Variants in KPNA6 observed in about 807,000 individuals in gnomAD.
KPNA6 encodes importin subunit alpha-7.
In KPNA6, 9 loss-of-function variants were observed where a neutral mutation model predicts 72.0. That is an observed-to-expected ratio of 0.13 (90% confidence interval 0.08 to 0.22). The LOEUF (loss-of-function observed/expected upper bound fraction) is 0.22. Among genes scored for constraint, KPNA6 ranks in the 10% least tolerant of loss-of-function variants. KPNA6 has a pLI of 1.00. For missense variants in KPNA6, 374 were observed against 655.7 expected (o/e 0.57, Z 4.69); for synonymous variants, 219 against 242.1 (o/e 0.90, Z 0.89).
chr1:32,132,852 A>G (rs997513014), intron 1 of KPNA6, among the ~76,000 whole-genome samples: 66 of 152,136 alleles, frequency 4.3e-4, no homozygotes, highest in Admixed American at 2.4e-3. Context: ...GCAGTGAGCC[A>G]AGATGGCGCC....
intron 5 of KPNA6, among the ~76,000 whole-genome samples, chr1:32,158,946 C>T (rs1478184403): frequency 2.0e-5 from 3 of 152,174 alleles, no homozygotes; most frequent in Non-Finnish European, 4.4e-5. Flanking sequence ...TGTTTAGCCT[C>T]TCTGGGTCTC....
intron 1 of KPNA6, among the ~76,000 whole-genome samples, chr1:32,148,852 C>T (rs1039673960): frequency 7.2e-5 from 11 of 151,762 alleles, no homozygotes; most frequent in Non-Finnish European, 1.5e-4. Context: ...CCACTGCGCC[C>T]GGCCCCCCTA....
intron 1 of KPNA6, among the ~76,000 whole-genome samples, chr1:32,123,869 A>G (rs1259396683): frequency 9.9e-5 from 15 of 151,466 alleles, no homozygotes; most frequent in Non-Finnish European, 2.1e-4. Flanking sequence ...CCCCATCTCT[A>G]CTAAAAATAC....
At chr1:32,165,307 C>A (rs561885494) in intron 10 of KPNA6, among the ~76,000 whole-genome samples, 2 of 152,308 alleles carry the variant, frequency 1.3e-5, no homozygotes, top group Admixed American at 1.3e-4. Context: ...GCCTCAGCCT[C>A]CTGAGTAGCT....
rs1334329959 is a variant in KPNA6 at position 32,173,783 on chromosome 1, A to AC, written c.*2893dup. 1 of 151,876 alleles carries AC rather than the reference A, an allele frequency of 6.6e-6. No homozygotes were observed. The highest frequency in any genetic ancestry group is 1.9e-4 in the East Asian group (1 of 5,190). 9.4% of individuals were successfully genotyped at this position (151,876 alleles called of 1,614,324 possible). On this transcript the variant is annotated 3_prime_UTR_variant, in exon 14 of 14. Transcript: ENST00000373625. ...GTTATTGCCAGGATGGAGCCCCTCT[A>AC]CCCCAGTCTGCTGTAGGGAATACCC...
intron 1 of KPNA6, among the ~76,000 whole-genome samples, chr1:32,109,946 T>C (rs984982973): frequency 6.6e-6 from 1 of 151,788 alleles, no homozygotes; most frequent in Admixed American, 6.6e-5. Flanking sequence ...TGAGCCACCA[T>C]GCCCGGCCAC....
intron 7 of KPNA6, 81 bp downstream of exon 7, chr1:32,160,784 C>G: frequency 1.1e-6 from 1 of 944,222 alleles, no homozygotes; most frequent in South Asian, 1.3e-5. Context: ...ATACTTGATT[C>G]CTTAAGATGA....
chr1:32,146,770 A>G (rs1383670678), intron 1 of KPNA6, among the ~76,000 whole-genome samples: 1 of 152,218 alleles, frequency 6.6e-6, no homozygotes, highest in Non-Finnish European at 1.5e-5. Context: ...CTGCCCATAT[A>G]GTTACCTTTA....
In KPNA6 at chr1:32,162,062, A is replaced by T; in HGVS notation, c.747+16A>T. On this transcript the variant is annotated intron_variant, in intron 8 of 13. Coordinates refer to ENST00000373625, the MANE Select transcript of KPNA6 (RefSeq NM_012316.5). ...GTTTGCAAAGGTGAGAGAGCTACTTACTAGACCCTGAGTGACATCAGGTTC... is the reference window on the plus strand; with the variant it reads ...GTTTGCAAAGGTGAGAGAGCTACTTTCTAGACCCTGAGTGACATCAGGTTC... 3.1e-6 allele frequency: 5 copies of T among 1,594,946 alleles called. No homozygotes were observed. The highest frequency in any genetic ancestry group is 4.3e-6 in the Non-Finnish European group (5 of 1,163,136).
At chr1:32,151,487 A>G (rs1467082384) in intron 1 of KPNA6, among the ~76,000 whole-genome samples, 2 of 151,838 alleles carry the variant, frequency 1.3e-5, no homozygotes, top group Non-Finnish European at 2.9e-5. Context: ...CCCCAAACAG[A>G]TTTCCCAATT....
intron 1 of KPNA6, among the ~76,000 whole-genome samples, chr1:32,151,300 C>G (rs1432286217): frequency 6.6e-6 from 1 of 152,130 alleles, no homozygotes; most frequent in African/African-American, 2.4e-5. Context: ...AGGGTCTCTA[C>G]TATGCCCTAA....
In KPNA6 at chr1:32,174,601, G is replaced by C. The variant is rs1445296545; in HGVS notation, c.*3707G>C. 6.6e-6 allele frequency: 1 copy of C among 152,160 alleles called. No individual in the cohort carries two copies. The highest frequency in any genetic ancestry group is 2.4e-5 in the African/African-American group (1 of 41,402). 9.4% of individuals were successfully genotyped at this position (152,160 alleles called of 1,614,324 possible). On this transcript the variant is annotated 3_prime_UTR_variant, in exon 14 of 14. Coordinates refer to ENST00000373625, the MANE Select transcript of KPNA6 (RefSeq NM_012316.5). The stretch of plus-strand genomic sequence containing the variant: ...CTTCTCCCCTAGACTCACTCAGCTT[G>C]GTATCCATCATCTTGAGCATTCTTC...
At chr1:32,131,597 TAA>T (rs940112593) in intron 1 of KPNA6, among the ~76,000 whole-genome samples, 33 of 150,754 alleles carry the variant, frequency 2.2e-4, no homozygotes, top group African/African-American at 3.7e-4. Flanking sequence ...ATTTAAATCT[TAA>T]GTCTATACAC....
rs573784602 is a variant in KPNA6, at chr1:32,157,095, A to G, written c.231+150A>G. On this transcript the variant is annotated intron_variant, in intron 3 of 13. Coordinates refer to ENST00000373625, the MANE Select transcript of KPNA6 (RefSeq NM_012316.5). ...CCTTTCGTCAGCTTTAGGAGTCAAC[A>G]AAGATTCAACTTTGTTAGATATATC... is the stretch of plus-strand genomic sequence containing the variant. The G allele has an allele frequency of 2.9e-3, 1,818 of 637,218 alleles. 66 individuals are homozygous for G. In the South Asian group the frequency reaches 0.034, roughly 12 times the overall value. The allele number at this position is 637,218 out of a possible 1,614,324, so 39.5% of individuals were successfully genotyped here.
At chr1:32,120,860 C>T (rs993640396) in intron 1 of KPNA6, among the ~76,000 whole-genome samples, 4 of 143,054 alleles carry the variant, frequency 2.8e-5, no homozygotes, top group Admixed American at 7.2e-5. Context: ...CACACCCAGA[C>T]GGAGTTCCTT....
At chr1:32,110,895 CAA>C (rs1341870391) in intron 1 of KPNA6, among the ~76,000 whole-genome samples, 7 of 152,132 alleles carry the variant, frequency 4.6e-5, no homozygotes, top group Non-Finnish European at 8.8e-5. Flanking sequence ...CAAAAACAAA[CAA>C]ATAAACAAAC....
At chr1:32,134,888 T>G (rs1641705988) in intron 1 of KPNA6, among the ~76,000 whole-genome samples, 1 of 151,488 alleles carries the variant, frequency 6.6e-6, no homozygotes, top group Non-Finnish European at 1.5e-5. Flanking sequence ...TTTTTTAATT[T>G]TATTTATTTT....
intron 1 of KPNA6, among the ~76,000 whole-genome samples, chr1:32,123,896 T>C (rs2124528673): frequency 6.6e-6 from 1 of 151,640 alleles, no homozygotes; most frequent in South Asian, 2.1e-4. Flanking sequence ...TAGCTGGGCG[T>C]GGTGGTGTGC....
rs1458886830 is a variant in KPNA6, at chr1:32,172,602, T to C, written c.*1708T>C. 3 of 152,562 alleles carry C rather than the reference T, an allele frequency of 2.0e-5. No individual in the cohort carries two copies. The highest frequency in any genetic ancestry group is 7.2e-5 in the African/African-American group (3 of 41,406). 9.5% of individuals were successfully genotyped at this position (152,562 alleles called of 1,614,324 possible). On this transcript the variant is annotated 3_prime_UTR_variant, in exon 14 of 14. Transcript: ENST00000373625. ...GTGACAATTATAATCCAGATGCCTC[T>C]TCTTTCTGTTTGAATTACGGTAGTG...
Sources: gnomAD v4.1 joint callset for allele counts (sites outside exome capture counted in the v4.1 genomes callset) on GRCh38, gnomAD v4.1.1 for gene constraint, MANE v1.5 for transcripts, NCBI Gene and HGNC (gene_info 2026-07-23, HGNC 2026-07-21) for gene names.